DYNC2H1: variants seen among roughly 807,000 people sequenced by gnomAD.
DYNC2H1 encodes dynein cytoplasmic 2 heavy chain 1.
A neutral mutation model predicts 570.0 loss-of-function variants in DYNC2H1; 410 were observed. The observed-to-expected ratio is 0.72, with a 90% confidence interval of 0.66 to 0.78. The LOEUF (loss-of-function observed/expected upper bound fraction) is 0.78, where lower values mean the gene tolerates loss of function less well. DYNC2H1 is among the 30% of genes least tolerant of loss of function. The pLI is 0.00. For missense variants in DYNC2H1, 4,865 were observed against 5,046.4 expected, an observed-to-expected ratio of 0.96 and a Z score of 1.09; for synonymous variants, 1,688 against 1,677.6, an observed-to-expected ratio of 1.01 and a Z score of -0.15.
Position 103,199,249 on chromosome 11 carries a change from G to A in DYNC2H1, c.7861G>A (p.Asp2621Asn). The change falls in exon 49 of 89, where the codon GAT becomes AAT. Residue 2621 changes from aspartate (D) to asparagine (N), a missense_variant. By Grantham distance (23) the Asp-to-Asn change is conservative (BLOSUM62 1). Coordinates refer to ENST00000375735, the MANE Select transcript of DYNC2H1 (RefSeq NM_001377.3). The surrounding 1 kb of genome is among the most constrained non-coding windows in gnomAD (Gnocchi z 4.6). ...IKKGLIHYGR[D>N]NQNLDILLFH... Reference sequence around the variant, plus strand: ...AAAGGGTCTTATTCATTATGGACGAGATAACCAGAATTTAGACATTTTACT... The same window carrying A: ...AAAGGGTCTTATTCATTATGGACGAAATAACCAGAATTTAGACATTTTACT... 2 of 1,591,986 alleles carry A rather than the reference G, an allele frequency of 1.3e-6. No individual in the cohort carries two copies. The highest frequency in any genetic ancestry group is 1.7e-6 in the Non-Finnish European group (2 of 1,167,854).
In DYNC2H1 at chr11:103,129,831, GTA is replaced by G. The variant is rs1315375223; in HGVS notation, c.1953+831_1953+832del. On this transcript the variant is annotated intron_variant, in intron 13 of 88. Coordinates refer to ENST00000375735, the MANE Select transcript of DYNC2H1 (RefSeq NM_001377.3). This position sits in a 1 kb window ranked among gnomAD's most constrained non-coding sequence, Gnocchi z 4.1. ...TGTTTGACAAAAATAAGCAGAAGAGGTATATACCATTTTATTTTTTTCTATTT... is the reference window on the plus strand; with the variant it reads ...TGTTTGACAAAAATAAGCAGAAGAGGTATACCATTTTATTTTTTTCTATTT... Among the ~76,000 whole-genome samples, 2 of 152,100 alleles carry G rather than the reference GTA, an allele frequency of 1.3e-5. No individual in the cohort carries two copies. The highest frequency in any genetic ancestry group is 2.9e-5 in the Non-Finnish European group (2 of 68,018).
intron 11 of DYNC2H1, 34 bp from the exon 12 acceptor site, chr11:103,125,066 T>C (rs753567451): frequency 4.6e-6 from 7 of 1,531,800 alleles, no homozygotes; most frequent in Non-Finnish European, 5.4e-6. Context: ...AGTGAGAACA[T>C]GAAACTTAAC....
chr11:103,311,974 C>T lies in DYNC2H1; in HGVS notation c.11590C>T (p.Leu3864Phe). ...AGATAATACACATCGAGCTCATGCT[C>T]TCTTCAGTCTTGCATGGTTTCATGC... is the stretch of plus-strand genomic sequence containing the variant. Reference protein sequence around the residue: ...KKDNTHRAHALFSLAWFHAAC... With the variant: ...KKDNTHRAHAFFSLAWFHAAC... Residue 3864 changes from leucine to phenylalanine, a missense_variant, in exon 79 of 89, where the codon CTC becomes TTC. Physicochemically the swap from Leu to Phe is conservative, Grantham distance 22. Transcript: ENST00000375735. 1.2e-6 allele frequency: 2 copies of T among 1,613,720 alleles called. No individual in the cohort carries two copies. The highest frequency in any genetic ancestry group is 1.7e-6 in the Non-Finnish European group (2 of 1,179,768).
At position 103,169,975 on chromosome 11, in the gene DYNC2H1, A is replaced by G; in HGVS notation, c.4969-133A>G. 3.6e-6 allele frequency: 3 copies of G among 830,078 alleles called. No homozygotes were observed. The South Asian group carries it at 9.3e-5, about 26-fold the overall frequency. The allele number at this position is 830,078 out of a possible 1,614,324, so 51.4% of individuals were successfully genotyped here. On this transcript the variant is annotated intron_variant, in intron 32 of 88. Transcript: ENST00000375735. ...CTTCTTTCACTAGAAAAAATTTTGG[A>G]TATTTTTCTGTGTTAAAAACTTTAA... is the stretch of plus-strand genomic sequence containing the variant.
chr11:103,142,231 G>C (rs972009293), intron 17 of DYNC2H1, among the ~76,000 whole-genome samples: 6 of 152,376 alleles, frequency 3.9e-5, no homozygotes, highest in African/African-American at 1.2e-4. Context: ...TGTGCCCACT[G>C]TCTGGCACTC....
chr11:103,196,673 A>G (rs1339612941), intron 47 of DYNC2H1, among the ~76,000 whole-genome samples: 1 of 152,184 alleles, frequency 6.6e-6, no homozygotes, highest in Non-Finnish European at 1.5e-5. Context: ...GTATCAGTAT[A>G]TAAGGGATAA....
In DYNC2H1 at chr11:103,181,908, A is replaced by T. The variant is rs1221440927; in HGVS notation, c.6477+22A>T. 5 of 1,594,758 alleles carry T rather than the reference A, an allele frequency of 3.1e-6. No individual in the cohort carries two copies. In the South Asian group the frequency reaches 4.6e-5, roughly 15 times the overall value. ...GCAGGTAAATTAACCATAATATTTC[A>T]TAATTAATCGAGGTGAGAAGTATGA... On this transcript the variant is annotated intron_variant, in intron 40 of 88. Transcript: ENST00000375735. This position sits in a 1 kb window ranked among gnomAD's most constrained non-coding sequence, Gnocchi z 5.0.
chr11:103,127,634 C>T (rs1859066220), intron 12 of DYNC2H1, among the ~76,000 whole-genome samples: 1 of 152,150 alleles, frequency 6.6e-6, no homozygotes, highest in Non-Finnish European at 1.5e-5. Context: ...ATTAAGTTTC[C>T]TTAAATGCCT....
intron 82 of DYNC2H1, among the ~76,000 whole-genome samples, chr11:103,346,272 C>T (rs1939739919): frequency 6.6e-6 from 1 of 152,114 alleles, no homozygotes. Context: ...GTCACAAGTT[C>T]TTGGTAAATT....
chr11:103,306,959 A>C (rs1480610630), intron 77 of DYNC2H1, among the ~76,000 whole-genome samples: 3 of 152,178 alleles, frequency 2.0e-5, no homozygotes, highest in Admixed American at 2.0e-4. Context: ...CTGTGGGAAA[A>C]ATTTACAAAA....
chr11:103,394,009 A>G (rs868543153), intron 83 of DYNC2H1, among the ~76,000 whole-genome samples: 1 of 152,150 alleles, frequency 6.6e-6, no homozygotes, highest in South Asian at 2.1e-4. Context: ...TGGGAATTCA[A>G]GATGAGATTT....
chr11:103,308,313 C>G (rs1867400923), intron 78 of DYNC2H1, among the ~76,000 whole-genome samples: 1 of 152,250 alleles, frequency 6.6e-6, no homozygotes. Flanking sequence ...CAAGGTTCAT[C>G]CATGTTTTAG....
chr11:103,286,866 T>C (rs1866371260), intron 74 of DYNC2H1, among the ~76,000 whole-genome samples: 2 of 152,198 alleles, frequency 1.3e-5, no homozygotes, highest in Admixed American at 6.5e-5. Context: ...AAATGACCTT[T>C]CCATTTATCT....
chr11:103,413,267 T>A (rs369660376), intron 84 of DYNC2H1, among the ~76,000 whole-genome samples: 1 of 152,256 alleles, frequency 6.6e-6, no homozygotes, highest in African/African-American at 2.4e-5. Flanking sequence ...TATTGTTTAC[T>A]TGCCTGCAAA....
Position 103,432,199 on chromosome 11 carries a change from T to G in DYNC2H1, c.12367-3744T>G, listed in dbSNP as rs75471133. On this transcript the variant is annotated intron_variant, in intron 84 of 88. Coordinates refer to ENST00000375735, the MANE Select transcript of DYNC2H1 (RefSeq NM_001377.3). ...TATCACAATCCGACTGACAAATAGT[T>G]CATCGTTGTTACGTAGAATAAGAGA... Among the ~76,000 whole-genome samples the G allele has an allele frequency of 9.9e-3, 1,514 of 152,226 alleles. 26 individuals are homozygous for G. The highest frequency in any genetic ancestry group is 0.035 in the African/African-American group (1,435 of 41,542).
At chr11:103,136,621 A>G (rs1859571570) in intron 17 of DYNC2H1, among the ~76,000 whole-genome samples, 1 of 152,154 alleles carries the variant, frequency 6.6e-6, no homozygotes, top group South Asian at 2.1e-4. Context: ...AATCAAGTCT[A>G]TCATTGTTGG....
chr11:103,327,236 C>A (rs990599319), intron 82 of DYNC2H1, among the ~76,000 whole-genome samples: 5 of 152,008 alleles, frequency 3.3e-5, no homozygotes, highest in African/African-American at 1.2e-4. Flanking sequence ...AATTTGGTAT[C>A]TCTCAGTGGG....
intron 78 of DYNC2H1, among the ~76,000 whole-genome samples, chr11:103,310,947 A>C (rs7116688): frequency 0.17 from 26,273 of 151,708 alleles, 2,461 homozygotes; most frequent in Admixed American, 0.26. Context: ...AGTGATCCAC[A>C]CACCTCAGCT....
At chr11:103,368,442 GT>G (rs112701562) in intron 83 of DYNC2H1, among the ~76,000 whole-genome samples, 13 of 149,010 alleles carry the variant, frequency 8.7e-5, no homozygotes, top group East Asian at 3.9e-4. Context: ...TCACATTTGG[GT>G]TTTTTTTTTA....
Sources: gnomAD v4.1 joint callset for allele counts (sites outside exome capture counted in the v4.1 genomes callset) on GRCh38, gnomAD v4.1.1 for gene constraint, Gnocchi (gnomAD v3.1) non-coding constraint, MANE v1.5 for transcripts, NCBI Gene and HGNC (gene_info 2026-07-23, HGNC 2026-07-21) for gene names.